DIAPH3: variants seen among roughly 807,000 people sequenced by gnomAD.
The protein encoded by DIAPH3 is protein diaphanous homolog 3.
In DIAPH3, 117 loss-of-function variants were observed where a neutral mutation model predicts 144.3. The ratio of observed to expected loss-of-function variants is 0.81; its 90% CI spans 0.70 to 0.95. The LOEUF (loss-of-function observed/expected upper bound fraction) is 0.95. DIAPH3 is among the 40% of genes least tolerant of loss of function. DIAPH3 has a pLI of 0.00. For missense variants in DIAPH3, 1,421 were observed against 1,412.7 expected (o/e 1.01, Z -0.09); for synonymous variants, 519 against 488.9 (o/e 1.06, Z -0.81).
At chr13:60,042,866 T>C (rs2055788732) in intron 4 of DIAPH3, 46 bp from the exon 5 acceptor site, 3 of 1,602,298 alleles carry the variant, frequency 1.9e-6, no homozygotes, top group Non-Finnish European at 8.5e-7. Context: ...TGCATGGAGA[T>C]TACCCATTAA....
intron 17 of DIAPH3, among the ~76,000 whole-genome samples, chr13:59,950,336 C>T (rs2049035347): frequency 6.6e-6 from 1 of 152,226 alleles, no homozygotes; most frequent in Admixed American, 6.5e-5. Context: ...TCCCCAAACA[C>T]CCCAGCAGCA....
In DIAPH3 at chr13:60,163,866, C is replaced by A; in HGVS notation, c.-100G>T. On this transcript the variant is annotated 5_prime_UTR_variant, in exon 1 of 28. Coordinates refer to ENST00000400324, the MANE Select transcript of DIAPH3 (RefSeq NM_001042517.2). ...CAACAGGTTTTACTCCCGGGGTCCG[C>A]CACCCAAACAGTCAGCACAGCCTAG... The A allele has an allele frequency of 7.9e-7, 1 of 1,261,650 alleles. No homozygotes were observed. Among genetic ancestry groups the A allele is most frequent in the African/African-American group, 1.8e-5 (1 of 56,632 alleles). 78.2% of individuals were successfully genotyped at this position (1,261,650 alleles called of 1,614,324 possible).
chr13:59,721,156 G>T (rs1453057132), intron 27 of DIAPH3, among the ~76,000 whole-genome samples: 2 of 151,978 alleles, frequency 1.3e-5, no homozygotes, highest in East Asian at 3.9e-4. Flanking sequence ...ATATTTTTTG[G>T]GTAGTTCTAT....
chr13:60,144,167 C>CTAACCA (rs1165180184), intron 1 of DIAPH3, among the ~76,000 whole-genome samples: 12 of 152,266 alleles, frequency 7.9e-5, no homozygotes, highest in African/African-American at 2.9e-4. Flanking sequence ...TGGTTATCAA[C>CTAACCA]CTGACTACAT....
intron 25 of DIAPH3, among the ~76,000 whole-genome samples, chr13:59,809,004 T>G (rs544367142): frequency 6.6e-6 from 1 of 152,324 alleles, no homozygotes; most frequent in African/African-American, 2.4e-5. Flanking sequence ...TAGGGAGACA[T>G]AAATTTAAAT....
intron 23 of DIAPH3, among the ~76,000 whole-genome samples, chr13:59,837,055 A>G (rs2042077840): frequency 6.6e-6 from 1 of 151,322 alleles, no homozygotes; most frequent in African/African-American, 2.5e-5. Flanking sequence ...TAGTATGTCT[A>G]ACTAAGATGA....
intron 27 of DIAPH3, among the ~76,000 whole-genome samples, chr13:59,723,609 C>T (rs991112731): frequency 3.5e-5 from 5 of 144,212 alleles, no homozygotes; most frequent in African/African-American, 1.0e-4. Flanking sequence ...AAATGATGGT[C>T]TTTTTTTTTT....
intron 4 of DIAPH3, among the ~76,000 whole-genome samples, chr13:60,061,982 C>T (rs2056792463): frequency 6.6e-6 from 1 of 152,100 alleles, no homozygotes; most frequent in South Asian, 2.1e-4. Context: ...CAAATCCTAT[C>T]TGCTCCTTCC....
chr13:60,014,223 A>G (rs1248494552), intron 7 of DIAPH3, among the ~76,000 whole-genome samples: 1 of 152,072 alleles, frequency 6.6e-6, no homozygotes, highest in Non-Finnish European at 1.5e-5. Context: ...GAAATTTCCA[A>G]TTTCTATATT....
At position 60,163,635 on chromosome 13, in the gene DIAPH3, A is replaced by G; in HGVS notation, c.132T>C (p.Pro44=). ...GCTCCTCGGGGCCACTGGGCGGCGG[A>G]GGGTGTTGGGGGCCCTTCCTGCGCG... ...KMPRRKGPQH[P]PPPSGPEEPG... Residue 44 remains proline, a synonymous_variant, in exon 1 of 28, where the codon CCT becomes CCC. Coordinates refer to ENST00000400324, the MANE Select transcript of DIAPH3 (RefSeq NM_001042517.2). The G allele has an allele frequency of 6.2e-7, 1 of 1,605,974 alleles. No individual in the cohort carries two copies. Among genetic ancestry groups the G allele is most frequent in the Non-Finnish European group, 8.5e-7 (1 of 1,174,386 alleles).
At chr13:60,108,057 G>A (rs2058468039) in intron 3 of DIAPH3, among the ~76,000 whole-genome samples, 1 of 152,172 alleles carries the variant, frequency 6.6e-6, no homozygotes. Flanking sequence ...TGTCTAAGGT[G>A]AAGAGAAATA....
intron 9 of DIAPH3, among the ~76,000 whole-genome samples, chr13:60,005,168 T>C (rs1054091054): frequency 6.6e-6 from 1 of 152,218 alleles, no homozygotes; most frequent in Non-Finnish European, 1.5e-5. Flanking sequence ...CAGACGATTA[T>C]GTGGCGATTT....
intron 3 of DIAPH3, among the ~76,000 whole-genome samples, chr13:60,097,449 C>A (rs1410483345): frequency 6.6e-6 from 1 of 152,210 alleles, no homozygotes; most frequent in Non-Finnish European, 1.5e-5. Context: ...GATCTCTGCA[C>A]ACACCAGCTT....
At chr13:60,000,560 T>A (rs1290677336) in intron 9 of DIAPH3, among the ~76,000 whole-genome samples, 1 of 152,110 alleles carries the variant, frequency 6.6e-6, no homozygotes, top group Non-Finnish European at 1.5e-5. Context: ...GCTATTGGTA[T>A]TATATCTAAA....
chr13:60,060,576 A>G (rs191055088), intron 4 of DIAPH3, among the ~76,000 whole-genome samples: 21 of 152,244 alleles, frequency 1.4e-4, no homozygotes, highest in African/African-American at 3.8e-4. Flanking sequence ...AGAAGCAACT[A>G]AAGTCCAACC....
At chr13:59,739,779 G>A (rs1189239178) in intron 27 of DIAPH3, among the ~76,000 whole-genome samples, 1 of 151,966 alleles carries the variant, frequency 6.6e-6, no homozygotes, top group Non-Finnish European at 1.5e-5. Flanking sequence ...CAAACATAAT[G>A]GAGGACCCTG....
At chr13:59,692,418 T>G (rs1490819346) in intron 27 of DIAPH3, among the ~76,000 whole-genome samples, 2 of 98,780 alleles carry the variant, frequency 2.0e-5, no homozygotes, top group East Asian at 2.9e-4. Flanking sequence ...AACCCCCCCA[T>G]CCCCCGACAC....
At chr13:60,058,677 T>C (rs1368719943) in intron 4 of DIAPH3, among the ~76,000 whole-genome samples, 1 of 151,980 alleles carries the variant, frequency 6.6e-6, no homozygotes, top group East Asian at 1.9e-4. Flanking sequence ...CACATGTGTA[T>C]GTATATATAT....
At chr13:60,042,668 G>T in intron 5 of DIAPH3, 22 bp downstream of exon 5, 1 of 1,612,936 alleles carries the variant, frequency 6.2e-7, no homozygotes, top group African/African-American at 1.3e-5. Context: ...CTGCCCTGTT[G>T]GTGTTCAAAT....
Sources: allele counts gnomAD v4.1 joint callset (sites outside exome capture counted in the v4.1 genomes callset), GRCh38; gene constraint gnomAD v4.1.1; transcripts MANE v1.5; gene names NCBI Gene and HGNC (gene_info 2026-07-23, HGNC 2026-07-21).